MAPKAPK2: variants seen among roughly 807,000 people sequenced by gnomAD.
The protein encoded by MAPKAPK2 is MAPK activated protein kinase 2.
Under a neutral mutation model 48.8 loss-of-function variants are expected in MAPKAPK2, and 9 were observed. That is an observed-to-expected ratio of 0.18 (90% confidence interval 0.11 to 0.32). The LOEUF is 0.32. MAPKAPK2 is among the 10% of genes least tolerant of loss of function. The pLI is 1.00. For missense variants in MAPKAPK2, 331 were observed against 498.3 expected (o/e 0.66, Z 3.20); for synonymous variants, 202 against 190.6 (o/e 1.06, Z -0.49).
At position 206,709,684 on chromosome 1, in the gene MAPKAPK2, G is replaced by T. The variant is rs190799570; in HGVS notation, c.280-19026G>T. ...TCATTTAGTTTTTGCCTACCACTTG[G>T]TGAGAAAGGTACTATTCAAATTAGC... On this transcript the variant is annotated intron_variant, in intron 1 of 9. Transcript: ENST00000367103. Among the ~76,000 whole-genome samples the T allele has an allele frequency of 3.3e-3, 501 of 152,224 alleles. 1 individual carries two copies. The highest frequency in any genetic ancestry group is 0.012 in the African/African-American group (489 of 41,514).
Position 206,731,057 on chromosome 1 carries a change from C to G in MAPKAPK2, c.768-81C>G, listed in dbSNP as rs1205482935. 5 of 1,556,796 alleles carry G rather than the reference C, an allele frequency of 3.2e-6. No homozygotes were observed. The African/African-American group carries it at 4.1e-5, about 13-fold the overall frequency. ...CTGTGACCTTTACAAGGAGAAGAGC[C>G]TGTTTCTCATCCTGTTCCTGGTACA... is the stretch of plus-strand genomic sequence containing the variant. On this transcript the variant is annotated intron_variant, in intron 6 of 9. Coordinates refer to ENST00000367103, the MANE Select transcript of MAPKAPK2 (RefSeq NM_032960.4). The surrounding 1 kb of genome is among the most constrained non-coding windows in gnomAD (Gnocchi z 5.9).
chr1:206,700,640 T>C (rs531257621), intron 1 of MAPKAPK2, among the ~76,000 whole-genome samples: 7 of 152,258 alleles, frequency 4.6e-5, no homozygotes, highest in African/African-American at 1.7e-4. Flanking sequence ...AAGAAGCCAG[T>C]TGTGTTTGGA....
At chr1:206,729,282 G>A in intron 3 of MAPKAPK2, 114 bp from the exon 4 acceptor site, 1 of 1,095,456 alleles carries the variant, frequency 9.1e-7, no homozygotes, top group South Asian at 1.3e-5. Context: ...GGTGGGTGGT[G>A]GCTGTGGGGA....
chr1:206,716,520 A>G (rs982613666), intron 1 of MAPKAPK2, among the ~76,000 whole-genome samples: 1 of 152,004 alleles, frequency 6.6e-6, no homozygotes, highest in African/African-American at 2.4e-5. Flanking sequence ...CTTGATTTGT[A>G]GGATCCTTCT....
intron 1 of MAPKAPK2, among the ~76,000 whole-genome samples, chr1:206,699,333 G>A (rs901840697): frequency 1.3e-5 from 2 of 152,192 alleles, no homozygotes; most frequent in Admixed American, 6.5e-5. Context: ...CAAGGTGGGA[G>A]GAAGTAGAGG....
chr1:206,715,339 T>C lies in MAPKAPK2; in HGVS notation c.280-13371T>C, dbSNP rs578239393. ...GCATTTTCACAAGCTCTGCTTGTTGTGTTTAGTGAGCGCAGACTACTCCCT... is the reference window on the plus strand; with the variant it reads ...GCATTTTCACAAGCTCTGCTTGTTGCGTTTAGTGAGCGCAGACTACTCCCT... On this transcript the variant is annotated intron_variant, in intron 1 of 9. Coordinates refer to ENST00000367103, the MANE Select transcript of MAPKAPK2 (RefSeq NM_032960.4). Among the ~76,000 whole-genome samples the C allele has an allele frequency of 6.6e-5, 10 of 152,318 alleles. No homozygotes were observed. The East Asian group carries it at 1.5e-3, about 24-fold the overall frequency.
At chr1:206,706,978 G>T (rs528915594) in intron 1 of MAPKAPK2, among the ~76,000 whole-genome samples, 5 of 152,176 alleles carry the variant, frequency 3.3e-5, no homozygotes, top group Middle Eastern at 3.4e-3. Flanking sequence ...CGTCAGCCCC[G>T]AACAGCTTGG....
intron 3 of MAPKAPK2, 46 bp downstream of exon 3, chr1:206,729,145 T>TG: frequency 6.3e-7 from 1 of 1,594,956 alleles, no homozygotes; most frequent in Non-Finnish European, 8.6e-7. Flanking sequence ...GGCAGGGCAG[T>TG]GGGGGTCTGA....
At position 206,733,251 on chromosome 1, in the gene MAPKAPK2, C is replaced by T. The variant is rs759205905; in HGVS notation, c.*533C>T. ...CTCTCTCGGAGCCCTCAGACATCTCCAGTGTGCCAGACAAATAGGAGTGAG... is the reference window on the plus strand; with the variant it reads ...CTCTCTCGGAGCCCTCAGACATCTCTAGTGTGCCAGACAAATAGGAGTGAG... On this transcript the variant is annotated 3_prime_UTR_variant, in exon 10 of 10. Coordinates refer to ENST00000367103, the MANE Select transcript of MAPKAPK2 (RefSeq NM_032960.4). 6.1e-4 allele frequency: 97 copies of T among 158,564 alleles called. 1 individual carries two copies. Among genetic ancestry groups the T allele is most frequent in the Non-Finnish European group, 1.0e-3 (76 of 72,462 alleles). The allele number at this position is 158,564 out of a possible 1,614,324, so 9.8% of individuals were successfully genotyped here. A position where few individuals can be genotyped will look rare whatever the true frequency, so the allele number is the denominator to read the frequency against.
intron 1 of MAPKAPK2, among the ~76,000 whole-genome samples, chr1:206,691,504 T>TATATATATATATGTATATATATAC (rs1424297313): frequency 1.8e-5 from 2 of 112,150 alleles, no homozygotes; most frequent in Admixed American, 8.8e-5. Flanking sequence ...TATATATATA[T>TATATATATATATGTATATATATAC]ACACACATAC....
intron 1 of MAPKAPK2, among the ~76,000 whole-genome samples, chr1:206,715,260 C>G (rs1673291164): frequency 6.6e-6 from 1 of 152,264 alleles, no homozygotes; most frequent in African/African-American, 2.4e-5. Flanking sequence ...CCCAGGGCCA[C>G]TTCCTCCCTG....
intron 1 of MAPKAPK2, among the ~76,000 whole-genome samples, chr1:206,712,248 A>G (rs1553429597): frequency 6.6e-6 from 1 of 152,238 alleles, no homozygotes; most frequent in Non-Finnish European, 1.5e-5. Context: ...TCTAAGTGCA[A>G]TTATATTGTT....
chr1:206,731,829 C>T lies in MAPKAPK2; in HGVS notation c.979-10C>T, dbSNP rs1553432744. 3 of 1,614,072 alleles carry T rather than the reference C, an allele frequency of 1.9e-6. No homozygotes were observed. The highest frequency in any genetic ancestry group is 2.5e-6 in the Non-Finnish European group (3 of 1,179,954). On this transcript the variant is annotated splice_polypyrimidine_tract_variant and intron_variant, in intron 8 of 9. Coordinates refer to ENST00000367103, the MANE Select transcript of MAPKAPK2 (RefSeq NM_032960.4). This position sits in a 1 kb window ranked among gnomAD's most constrained non-coding sequence, Gnocchi z 5.9. ...AGGCTTTCACTCGGACCCCTTTTCT[C>T]TCTTCTCAGCAATCAACAAAGGTCC...
intron 1 of MAPKAPK2, among the ~76,000 whole-genome samples, chr1:206,701,631 C>T (rs1244977142): frequency 2.0e-5 from 3 of 151,844 alleles, no homozygotes; most frequent in Admixed American, 6.6e-5. Context: ...CCCAGGAGTT[C>T]GAGACCAGCC....
chr1:206,685,489 A>T lies in MAPKAPK2; in HGVS notation c.260A>T (p.Gln87Leu). 1 of 1,532,904 alleles carries T rather than the reference A, an allele frequency of 6.5e-7. No individual in the cohort carries two copies. The highest frequency in any genetic ancestry group is 1.2e-5 in the South Asian group (1 of 86,606). 95.0% of individuals were successfully genotyped at this position (1,532,904 alleles called of 1,614,324 possible). ...TTGCAGATCTTCAACAAGAGGACCC[A>T]GGAGAAATTCGCCCTCAAAGTAGGT... The part of the protein sequence containing the change: ...KVLQIFNKRT[Q>L]EKFALKMLQD... Residue 87 changes from glutamine (Q) to leucine (L), a missense_variant, in exon 1 of 10, where the codon CAG (glutamine) becomes CTG (leucine). This residue lies in a region of MAPKAPK2 where 111 missense variants were observed against 193.6 expected (regional missense o/e 0.57). Transcript: ENST00000367103.
At chr1:206,707,915 C>G (rs1039072434) in intron 1 of MAPKAPK2, among the ~76,000 whole-genome samples, 1 of 152,174 alleles carries the variant, frequency 6.6e-6, no homozygotes, top group Non-Finnish European at 1.5e-5. Context: ...GTAATTGTGT[C>G]TCTACATTCT....
At position 206,732,438 on chromosome 1, in the gene MAPKAPK2, G is replaced by A. The variant is rs1054289508; in HGVS notation, c.1060-137G>A. On this transcript the variant is annotated intron_variant, in intron 9 of 9. Coordinates refer to ENST00000367103, the MANE Select transcript of MAPKAPK2 (RefSeq NM_032960.4). The surrounding 1 kb of genome is among the most constrained non-coding windows in gnomAD (Gnocchi z 4.4). Reference sequence around the variant, plus strand: ...GTCAGCGTGGACCACTAACCAGCCCGTCTTCTCTCTCTGCTCCCACCCCTG... The same window carrying A: ...GTCAGCGTGGACCACTAACCAGCCCATCTTCTCTCTCTGCTCCCACCCCTG... 45 of 1,482,628 alleles carry A rather than the reference G, an allele frequency of 3.0e-5. No homozygotes were observed. In the African/African-American group the frequency reaches 4.4e-4, roughly 14 times the overall value. The allele number at this position is 1,482,628 out of a possible 1,614,324, so 91.8% of individuals were successfully genotyped here.
chr1:206,686,842 GTGCTT>G, intron 1 of MAPKAPK2, among the ~76,000 whole-genome samples: 1 of 152,318 alleles, frequency 6.6e-6, no homozygotes, highest in South Asian at 2.1e-4. Context: ...CCCTGTTACA[GTGCTT>G]TGCTTTCTAC....
At chr1:206,729,545 G>A in intron 4 of MAPKAPK2, 70 bp downstream of exon 4, 2 of 1,354,992 alleles carry the variant, frequency 1.5e-6, no homozygotes, top group African/African-American at 2.9e-5. Context: ...CCACCCCAGA[G>A]ATGGTTGCCA....
Sources: allele counts gnomAD v4.1 joint callset (sites outside exome capture counted in the v4.1 genomes callset), GRCh38; gene constraint gnomAD v4.1.1; regional missense constraint gnomAD v4.1.1; non-coding constraint Gnocchi (gnomAD v3.1); transcripts MANE v1.5; gene names NCBI Gene and HGNC (gene_info 2026-07-23, HGNC 2026-07-21).